DCP2: variants seen among roughly 807,000 people sequenced by gnomAD.
DCP2 encodes the protein m7GpppN-mRNA hydrolase.
DCP2 carries 30 observed loss-of-function variants against 56.1 expected under a neutral mutation model. That is an observed-to-expected ratio of 0.53 (90% CI 0.40 to 0.73). DCP2 has a LOEUF of 0.73. Ranked by LOEUF, DCP2 falls within the 30% of genes least tolerant of loss-of-function variation. The pLI is 0.00. For synonymous variants in DCP2, 197 were observed against 163.3 expected (o/e 1.21, Z -1.57); for missense variants, 533 against 502.7 (o/e 1.06, Z -0.58).
At chr5:113,007,756 C>T (rs2150189444) in intron 8 of DCP2, among the ~76,000 whole-genome samples, 182 bp from the exon 9 acceptor site, 1 of 152,254 alleles carries the variant, frequency 6.6e-6, no homozygotes, top group East Asian at 1.9e-4. Flanking sequence ...TTAGAGAACT[C>T]TTGCTTTGGG....
At chr5:113,003,740 T>C (rs879538043) in intron 7 of DCP2, among the ~76,000 whole-genome samples, 79 of 152,124 alleles carry the variant, frequency 5.2e-4, no homozygotes, top group Admixed American at 4.6e-4. Context: ...CAAGAAATAT[T>C]TATTGAATAC....
chr5:113,011,629 A>G (rs561336717), intron 10 of DCP2, among the ~76,000 whole-genome samples: 1 of 152,328 alleles, frequency 6.6e-6, no homozygotes, highest in East Asian at 1.9e-4. Context: ...AGATAATGCT[A>G]TTTTGAAAGA....
chr5:113,004,927 G>C (rs1027519158), intron 8 of DCP2, among the ~76,000 whole-genome samples: 1 of 151,678 alleles, frequency 6.6e-6, no homozygotes, highest in Non-Finnish European at 1.5e-5. Flanking sequence ...ATAAGTTCGA[G>C]ATCAGCCCCG....
chr5:113,003,557 CAG>C lies in DCP2; in HGVS notation c.807-382_807-381del, dbSNP rs371998008. On this transcript the variant is annotated intron_variant, in intron 7 of 10. Transcript: ENST00000389063. ...TGCCACTGCACTCCAGCCTGGATGA[CAG>C]AGGGAAACCCAGTCTCAAAAAGCAG... Among the ~76,000 whole-genome samples the C allele has an allele frequency of 1.1e-4, 16 of 152,244 alleles. 1 individual carries two copies. In the South Asian group the frequency reaches 3.1e-3, roughly 30 times the overall value.
chr5:113,000,876 T>A (rs1749145357), intron 4 of DCP2, among the ~76,000 whole-genome samples: 1 of 152,234 alleles, frequency 6.6e-6, no homozygotes, highest in Non-Finnish European at 1.5e-5. Flanking sequence ...CTATATACCA[T>A]ACCACCTGTG....
chr5:112,982,061 C>A (rs1748032215), intron 1 of DCP2, among the ~76,000 whole-genome samples: 1 of 152,190 alleles, frequency 6.6e-6, no homozygotes, highest in Non-Finnish European at 1.5e-5. Flanking sequence ...AGCCACCATG[C>A]CAGGCCCCTT....
At chr5:112,994,571 G>A (rs555013800) in intron 4 of DCP2, among the ~76,000 whole-genome samples, 1 of 152,058 alleles carries the variant, frequency 6.6e-6, no homozygotes, top group Non-Finnish European at 1.5e-5. Context: ...TGTCTTTACT[G>A]TTCACTATTA....
At position 112,985,752 on chromosome 5, in the gene DCP2, T is replaced by G. The variant is rs1748252127; in HGVS notation, c.54-83T>G. On this transcript the variant is annotated intron_variant, in intron 1 of 10. Coordinates refer to ENST00000389063, the MANE Select transcript of DCP2 (RefSeq NM_152624.6). ...TTGGTCCCTTTTCTCAGTTGGTGGG[T>G]CAGGTATGAAGCACTTAAATAGCTT... 1.6e-5 allele frequency: 24 copies of G among 1,486,662 alleles called. No individual in the cohort carries two copies. In the South Asian group the frequency reaches 3.0e-4, roughly 19 times the overall value. The allele number at this position is 1,486,662 out of a possible 1,614,324, so 92.1% of individuals were successfully genotyped here.
intron 1 of DCP2, among the ~76,000 whole-genome samples, chr5:112,978,196 C>G (rs1174552248): frequency 1.3e-5 from 2 of 152,126 alleles, no homozygotes; most frequent in East Asian, 1.9e-4. Context: ...GTGCTGGTCT[C>G]GAACTTCTGA....
At chr5:112,983,360 G>A (rs937261152) in intron 1 of DCP2, among the ~76,000 whole-genome samples, 1 of 152,176 alleles carries the variant, frequency 6.6e-6, no homozygotes, top group South Asian at 2.1e-4. Flanking sequence ...GGGCTGAGGA[G>A]AACTGGGAAA....
intron 8 of DCP2, among the ~76,000 whole-genome samples, chr5:113,005,750 C>T (rs530344597): frequency 4.5e-4 from 69 of 152,316 alleles, no homozygotes; most frequent in African/African-American, 1.7e-3. Flanking sequence ...GTGGAAACAA[C>T]TCATATGCCT....
intron 4 of DCP2, among the ~76,000 whole-genome samples, chr5:113,000,020 C>T (rs1001758369): frequency 1.4e-5 from 2 of 141,612 alleles, no homozygotes; most frequent in Non-Finnish European, 1.5e-5. Context: ...AGGAGCCCAC[C>T]ATTGCACTCC....
intron 4 of DCP2, 45 bp from the exon 5 acceptor site, chr5:113,001,039 C>T (rs771029792): frequency 6.5e-7 from 1 of 1,541,796 alleles, no homozygotes; most frequent in Non-Finnish European, 8.8e-7. Context: ...GAACTAGAGG[C>T]CTAAGAACTA....
Position 113,016,808 on chromosome 5 carries a change from A to G in DCP2, c.*3324A>G, listed in dbSNP as rs78096634. On this transcript the variant is annotated 3_prime_UTR_variant, in exon 11 of 11. Transcript: ENST00000389063. ...AATTATAAAAATTAGACATTTTGCCAAGTTAGTTTTCTTACCACAATACCC... is the reference window on the plus strand; with the variant it reads ...AATTATAAAAATTAGACATTTTGCCGAGTTAGTTTTCTTACCACAATACCC... 6.6e-6 allele frequency: 1 copy of G among 150,826 alleles called. No homozygotes were observed. Among genetic ancestry groups the G allele is most frequent in the East Asian group, 2.0e-4 (1 of 5,128 alleles). 9.3% of individuals were successfully genotyped at this position (150,826 alleles called of 1,614,324 possible). A position where few individuals can be genotyped will look rare whatever the true frequency, so the allele number is the denominator to read the frequency against.
At chr5:112,986,857 C>A (rs771751885) in intron 2 of DCP2, among the ~76,000 whole-genome samples, 1 of 152,020 alleles carries the variant, frequency 6.6e-6, no homozygotes, top group Non-Finnish European at 1.5e-5. Context: ...AAAACAGTTA[C>A]CTGGGCATGG....
chr5:112,992,899 TAC>T, intron 4 of DCP2, 129 bp downstream of exon 4: 3 of 461,020 alleles, frequency 6.5e-6, no homozygotes, highest in South Asian at 6.2e-5. Context: ...TGAAGTAACT[TAC>T]TTTTTTTTTT....
chr5:113,005,127 C>G (rs1302267772), intron 8 of DCP2, among the ~76,000 whole-genome samples: 1 of 128,278 alleles, frequency 7.8e-6, no homozygotes, highest in Non-Finnish European at 1.7e-5. Flanking sequence ...AAAACTCTGT[C>G]TCAAAAAAAA....
chr5:113,017,648 A>C lies in DCP2; in HGVS notation c.*4164A>C, dbSNP rs1749942291. On this transcript the variant is annotated 3_prime_UTR_variant, in exon 11 of 11. Coordinates refer to ENST00000389063, the MANE Select transcript of DCP2 (RefSeq NM_152624.6). ...GATTGCAGTTTCAAAAAAATATGATAGATTATTGTTATAGAATCAAAGTGT... is the reference window on the plus strand; with the variant it reads ...GATTGCAGTTTCAAAAAAATATGATCGATTATTGTTATAGAATCAAAGTGT... The C allele has an allele frequency of 6.6e-6, 1 of 152,216 alleles. No individual in the cohort carries two copies. The highest frequency in any genetic ancestry group is 1.5e-5 in the Non-Finnish European group (1 of 68,050). The allele number at this position is 152,216 out of a possible 1,614,324, so 9.4% of individuals were successfully genotyped here.
At chr5:113,009,498 A>G (rs1419491279) in intron 9 of DCP2, among the ~76,000 whole-genome samples, 1 of 152,230 alleles carries the variant, frequency 6.6e-6, no homozygotes, top group Non-Finnish European at 1.5e-5. Flanking sequence ...TATTGAGTGT[A>G]TTGGTAACAC....
Sources: allele counts gnomAD v4.1 joint callset (sites outside exome capture counted in the v4.1 genomes callset), GRCh38; gene constraint gnomAD v4.1.1; transcripts MANE v1.5; gene names NCBI Gene and HGNC (gene_info 2026-07-23, HGNC 2026-07-21).